MTR: variants seen among roughly 807,000 people sequenced by gnomAD.
MTR encodes methionine synthase.
A neutral mutation model predicts 154.8 loss-of-function variants in MTR; 84 were observed. The ratio of observed to expected loss-of-function variants is 0.54; its 90% CI spans 0.45 to 0.65. The LOEUF (loss-of-function observed/expected upper bound fraction) is 0.65, where lower values mean the gene tolerates loss of function less well. Ranked by LOEUF, MTR falls within the 30% of genes least tolerant of loss-of-function variation. The probability of loss-of-function intolerance (pLI) is 0.00; values close to 1 mark genes in which losing one functional copy is unlikely to be tolerated. For synonymous variants in MTR, 554 were observed against 553.9 expected (o/e 1.00, Z 0.00); for missense variants, 1,275 against 1,570.2 (o/e 0.81, Z 3.18).
intron 14 of MTR, among the ~76,000 whole-genome samples, chr1:236,836,628 G>A (rs146716280): frequency 1.6e-3 from 241 of 152,226 alleles, no homozygotes; most frequent in African/African-American, 5.2e-3. Context: ...TTTTTTATTA[G>A]GCTTCAGCAG....
rs1209675301 is a variant in MTR at position 236,895,403 on chromosome 1, G to T, written c.3451G>T (p.Ala1151Ser). 2 of 1,605,088 alleles carry T rather than the reference G, an allele frequency of 1.2e-6. No homozygotes were observed. The highest frequency in any genetic ancestry group is 1.7e-6 in the Non-Finnish European group (2 of 1,175,586). The change falls in exon 31 of 33, where the codon GCC (alanine) becomes TCC (serine). Residue 1151 changes from alanine (A) to serine (S), a missense_variant. By Grantham distance (99) the Ala-to-Ser change is moderately conservative (BLOSUM62 1). Transcript: ENST00000366577. Reference sequence around the variant, plus strand: ...TGAAAGAGTTCGCCGAGAACTGTGGGCCTACTGTGGCAGTGAGCAGCTGGA... The same window carrying T: ...TGAAAGAGTTCGCCGAGAACTGTGGTCCTACTGTGGCAGTGAGCAGCTGGA... ...LHERVRRELW[A>S]YCGSEQLDVA...
chr1:236,871,313 C>G (rs1161192873), intron 22 of MTR, among the ~76,000 whole-genome samples: 2 of 128,072 alleles, frequency 1.6e-5, no homozygotes, highest in African/African-American at 6.0e-5. Context: ...TCCTCCTCCT[C>G]TGAACTTATC....
rs369151193 is a variant in MTR at position 236,862,899 on chromosome 1, T to A, written c.2305-555T>A. ...CCCCTAGGATTCTGAATTTTTAAAT[T>A]GATCTGTTTGTGAATGGCTCAGACA... On this transcript the variant is annotated intron_variant, in intron 21 of 32. Coordinates refer to ENST00000366577, the MANE Select transcript of MTR (RefSeq NM_000254.3). Among the ~76,000 whole-genome samples the A allele has an allele frequency of 5.6e-4, 85 of 152,346 alleles. No homozygotes were observed. In the Middle Eastern group the frequency reaches 0.01, roughly 18 times the overall value.
chr1:236,885,120 G>A lies in MTR; in HGVS notation c.2677-1G>A. 5 of 1,593,998 alleles carry A rather than the reference G, an allele frequency of 3.1e-6. No individual in the cohort carries two copies. The highest frequency in any genetic ancestry group is 4.3e-6 in the Non-Finnish European group (5 of 1,161,868). ...CATCTATGGCTATCTTGCATTTTCAGTGTTCCCAGCTGTTAGATGAAAATC... is the reference window on the plus strand; with the variant it reads ...CATCTATGGCTATCTTGCATTTTCAATGTTCCCAGCTGTTAGATGAAAATC... On this transcript the variant is annotated splice_acceptor_variant, in intron 25 of 32. Transcript: ENST00000366577. LOFTEE classifies it high-confidence loss of function.
At chr1:236,873,886 C>G in intron 23 of MTR, 46 bp downstream of exon 23, 2 of 1,552,822 alleles carry the variant, frequency 1.3e-6, no homozygotes, top group South Asian at 2.2e-5. Flanking sequence ...TGTCATATCC[C>G]CAGGTGTCTG....
chr1:236,800,068 AG>A, intron 1 of MTR: 1 of 985,312 alleles, frequency 1.0e-6, no homozygotes, highest in Non-Finnish European at 1.2e-6. Context: ...TGGATTGAAA[AG>A]GGAATACAGT....
chr1:236,894,403 A>G lies in MTR; in HGVS notation c.3251A>G (p.Asp1084Gly), dbSNP rs1666505006. 7 of 1,614,190 alleles carry G rather than the reference A, an allele frequency of 4.3e-6. No individual in the cohort carries two copies. The highest frequency in any genetic ancestry group is 1.1e-5 in the South Asian group (1 of 91,080). Residue 1084 changes from aspartate (D) to glycine (G), a missense_variant, in exon 30 of 33, where the codon GAC becomes GGC. Coordinates refer to ENST00000366577, the MANE Select transcript of MTR (RefSeq NM_000254.3). ...ASTEPYYCLSDFIAPLHSGIR... is the reference protein window; with the variant it reads ...ASTEPYYCLSGFIAPLHSGIR... ...ACGGAGCCATACTACTGCCTCTCAGACTTCATCGCTCCCTTGCATTCTGGC... is the reference window on the plus strand; with the variant it reads ...ACGGAGCCATACTACTGCCTCTCAGGCTTCATCGCTCCCTTGCATTCTGGC...
chr1:236,852,576 T>C lies in MTR; in HGVS notation c.1751T>C (p.Phe584Ser), dbSNP rs766888517. The C allele has an allele frequency of 1.9e-6, 3 of 1,614,110 alleles. No individual in the cohort carries two copies. Among genetic ancestry groups the C allele is most frequent in the East Asian group, 4.5e-5 (2 of 44,872 alleles). ...SGGLSNLSFS[F>S]RGMEAIREAM... ...GGTCTTTCCAACTTGTCCTTCTCCT[T>C]CCGAGGAATGGAAGCCATTCGAGAA... is the stretch of plus-strand genomic sequence containing the variant. The change falls in exon 17 of 33, where the codon TTC (phenylalanine) becomes TCC (serine). Residue 584 changes from phenylalanine to serine, a missense_variant. By Grantham distance (155) the Phe-to-Ser change is radical. Coordinates refer to ENST00000366577, the MANE Select transcript of MTR (RefSeq NM_000254.3).
rs895946032 is a variant in MTR at position 236,901,640 on chromosome 1, T to C, written c.*3996T>C. On this transcript the variant is annotated 3_prime_UTR_variant, in exon 33 of 33. Coordinates refer to ENST00000366577, the MANE Select transcript of MTR (RefSeq NM_000254.3). The stretch of plus-strand genomic sequence containing the variant: ...GGAGTCTGGAAGTCCAAGATCATGG[T>C]GCCATCATGGCCGAGTTCTGGTGAG... 3 of 152,250 alleles carry C rather than the reference T, an allele frequency of 2.0e-5. No homozygotes were observed. The highest frequency in any genetic ancestry group is 7.2e-5 in the African/African-American group (3 of 41,436). The allele number at this position is 152,250 out of a possible 1,614,324, so 9.4% of individuals were successfully genotyped here.
At chr1:236,895,300 C>T in intron 30 of MTR, 58 bp from the exon 31 acceptor site, 1 of 1,535,022 alleles carries the variant, frequency 6.5e-7, no homozygotes, top group Non-Finnish European at 8.8e-7. Flanking sequence ...GTGGAGGCTG[C>T]ACTGATGCTG....
intron 17 of MTR, 112 bp downstream of exon 17, chr1:236,852,749 G>C: frequency 8.7e-7 from 1 of 1,145,482 alleles, no homozygotes; most frequent in Non-Finnish European, 1.3e-6. Context: ...CTGTAAATAA[G>C]ATTTTATTGG....
chr1:236,834,876 T>C (rs1337774374), intron 13 of MTR, among the ~76,000 whole-genome samples: 1 of 152,180 alleles, frequency 6.6e-6, no homozygotes, highest in East Asian at 1.9e-4. Flanking sequence ...GTATTCTGTT[T>C]TGGGAAGGTT....
chr1:236,836,756 T>A (rs1392571255), intron 14 of MTR, among the ~76,000 whole-genome samples: 1 of 152,168 alleles, frequency 6.6e-6, no homozygotes, highest in Non-Finnish European at 1.5e-5. Context: ...AGTAAATATT[T>A]TGAGAATTTA....
At chr1:236,886,458 A>C (rs1572333505) in intron 27 of MTR, 91 bp downstream of exon 27, 1 of 1,204,624 alleles carries the variant, frequency 8.3e-7, no homozygotes, top group Non-Finnish European at 1.2e-6. Flanking sequence ...GCAAAATCAA[A>C]CCAGCAGCTA....
At chr1:236,812,933 TCAAAG>T (rs1461237185) in intron 6 of MTR, 89 bp downstream of exon 6, 1 of 1,017,030 alleles carries the variant, frequency 9.8e-7, no homozygotes, top group African/African-American at 1.6e-5. Context: ...TTAGCCATTA[TCAAAG>T]TTAAATAAAT....
chr1:236,863,922 C>T (rs1033935447), intron 22 of MTR, among the ~76,000 whole-genome samples: 8 of 152,086 alleles, frequency 5.3e-5, no homozygotes, highest in Admixed American at 2.6e-4. Context: ...TTTCAATAAA[C>T]TTAGATTTTA....
chr1:236,846,351 C>G (rs945923375), intron 15 of MTR, among the ~76,000 whole-genome samples: 11 of 151,870 alleles, frequency 7.2e-5, no homozygotes, highest in African/African-American at 2.7e-4. Flanking sequence ...TTTTTGATAA[C>G]GTGAAGTGTC....
intron 22 of MTR, among the ~76,000 whole-genome samples, chr1:236,865,155 A>G (rs971144284): frequency 1.3e-5 from 2 of 152,240 alleles, no homozygotes; most frequent in African/African-American, 4.8e-5. Flanking sequence ...AAGACTGCGT[A>G]TTAAGCCTGA....
At position 236,832,112 on chromosome 1, in the gene MTR, C is replaced by T. The variant is rs769714856; in HGVS notation, c.1188+34C>T. The T allele has an allele frequency of 1.5e-5, 22 of 1,515,096 alleles. No homozygotes were observed. In the South Asian group the frequency reaches 2.1e-4, roughly 15 times the overall value. 93.9% of individuals were successfully genotyped at this position (1,515,096 alleles called of 1,614,324 possible). A position where few individuals can be genotyped will look rare whatever the true frequency, so the allele number is the denominator to read the frequency against. On this transcript the variant is annotated intron_variant, in intron 13 of 32. Transcript: ENST00000366577. ...CTTAATAAGACCCCTGAGGCATCTG[C>T]CCATGTCTTTGGCTAGACAGCATGT... is the stretch of plus-strand genomic sequence containing the variant.
Sources: gnomAD v4.1 joint callset for allele counts (sites outside exome capture counted in the v4.1 genomes callset) on GRCh38, gnomAD v4.1.1 for gene constraint, MANE v1.5 for transcripts, NCBI Gene and HGNC (gene_info 2026-07-23, HGNC 2026-07-21) for gene names.